Variants in PIP5K1B observed in about 807,000 individuals in gnomAD.
The protein encoded by PIP5K1B is phosphatidylinositol 4-phosphate 5-kinase type-1 beta.
A neutral mutation model predicts 67.0 loss-of-function variants in PIP5K1B; 42 were observed. The observed-to-expected ratio is 0.63, with a 90% confidence interval of 0.49 to 0.81. The LOEUF is 0.81. Ranked by LOEUF, PIP5K1B falls within the 30% of genes least tolerant of loss-of-function variation. The probability of loss-of-function intolerance (pLI) is 0.00; values close to 1 mark genes in which losing one functional copy is unlikely to be tolerated. For missense variants in PIP5K1B, 459 were observed against 646.3 expected, an observed-to-expected ratio of 0.71 and a Z score of 3.14; for synonymous variants, 214 against 231.4, an observed-to-expected ratio of 0.92 and a Z score of 0.68.
At chr9:68,795,347 T>A (rs1431049791) in intron 2 of PIP5K1B, among the ~76,000 whole-genome samples, 1 of 152,140 alleles carries the variant, frequency 6.6e-6, no homozygotes, top group Non-Finnish European at 1.5e-5. Flanking sequence ...CAAAAAGTAG[T>A]AAGGATTAGA....
At chr9:68,957,349 C>T (rs537702004) in intron 14 of PIP5K1B, among the ~76,000 whole-genome samples, 37 of 152,226 alleles carry the variant, frequency 2.4e-4, no homozygotes, top group African/African-American at 5.5e-4. Flanking sequence ...AGAAGTGGAT[C>T]GCATGACTCT....
intron 8 of PIP5K1B, among the ~76,000 whole-genome samples, chr9:68,912,869 T>C (rs1439695891): frequency 6.6e-6 from 1 of 152,176 alleles, no homozygotes; most frequent in Admixed American, 6.5e-5. Flanking sequence ...GAAGAGAGGA[T>C]GGCAATGCCT....
rs1452516551 is a variant in PIP5K1B, at chr9:68,828,593, G to GA, written c.69+5913dup. 2.0e-5 allele frequency among the ~76,000 whole-genome samples: 3 copies of GA among 152,298 alleles called. No individual in the cohort carries two copies. The East Asian group carries it at 5.8e-4, about 29-fold the overall frequency. ...TACCTGACCGTGACCACATTCCAAG[G>GA]AAAGATGCCTTTTATTGCTTTTTCA... On this transcript the variant is annotated intron_variant, in intron 4 of 15. Transcript: ENST00000265382.
At chr9:68,875,665 T>C (rs1823856594) in intron 5 of PIP5K1B, among the ~76,000 whole-genome samples, 1 of 152,182 alleles carries the variant, frequency 6.6e-6, no homozygotes, top group South Asian at 2.1e-4. Context: ...TTGTGTGGTA[T>C]CCATAAAAAG....
At chr9:68,954,294 C>T (rs1439261658) in intron 14 of PIP5K1B, among the ~76,000 whole-genome samples, 1 of 152,090 alleles carries the variant, frequency 6.6e-6, no homozygotes, top group Non-Finnish European at 1.5e-5. Flanking sequence ...AGGTTTATGT[C>T]CTTTTTTAAC....
rs1414505958 is a variant in PIP5K1B at position 68,818,498 on chromosome 9, C to G, written c.-48C>G. The G allele has an allele frequency of 6.6e-6, 1 of 152,524 alleles. No homozygotes were observed. The highest frequency in any genetic ancestry group is 1.5e-5 in the Non-Finnish European group (1 of 68,008). The allele number at this position is 152,524 out of a possible 1,614,324, so 9.4% of individuals were successfully genotyped here. ...GAAAACGGTCTCGACAATGAGTAGG[C>G]CACCCATCACTACTAACTACAGATG... On this transcript the variant is annotated 5_prime_UTR_variant, in exon 3 of 16. Coordinates refer to ENST00000265382, the MANE Select transcript of PIP5K1B (RefSeq NM_003558.4).
At chr9:68,754,175 C>CTTTTTTTTTTTTTTTTT (rs71353081) in intron 2 of PIP5K1B, among the ~76,000 whole-genome samples, 3,026 of 100,486 alleles carry the variant, frequency 0.03, 602 homozygotes, top group East Asian at 0.094. Context: ...TCCATGATTT[C>CTTTTTTTTTTTTTTTTT]TTTTTTTTTT....
At position 68,796,883 on chromosome 9, in the gene PIP5K1B, C is replaced by T. The variant is rs959001715; in HGVS notation, c.-85-21578C>T. 7.9e-5 allele frequency among the ~76,000 whole-genome samples: 12 copies of T among 152,112 alleles called. 1 individual carries two copies. The highest frequency in any genetic ancestry group is 2.4e-4 in the African/African-American group (10 of 41,408). On this transcript the variant is annotated intron_variant, in intron 2 of 15. Coordinates refer to ENST00000265382, the MANE Select transcript of PIP5K1B (RefSeq NM_003558.4). ...AGTTATCAAATATTCCCTCCAGTAGCCCAGTGAAACATCTTAGAAATTCTA... is the reference window on the plus strand; with the variant it reads ...AGTTATCAAATATTCCCTCCAGTAGTCCAGTGAAACATCTTAGAAATTCTA...
chr9:68,983,354 T>C (rs946536876), intron 14 of PIP5K1B, among the ~76,000 whole-genome samples: 1 of 152,116 alleles, frequency 6.6e-6, no homozygotes, highest in African/African-American at 2.4e-5. Context: ...AAGTGTCCTG[T>C]GGAGGATGTG....
intron 2 of PIP5K1B, among the ~76,000 whole-genome samples, chr9:68,748,134 G>A (rs1587381845): frequency 6.6e-6 from 1 of 152,138 alleles, no homozygotes; most frequent in Admixed American, 6.5e-5. Context: ...AAAAGGAATC[G>A]TACAATCTGT....
chr9:68,771,650 C>T (rs1458264495), intron 2 of PIP5K1B, among the ~76,000 whole-genome samples: 1 of 152,192 alleles, frequency 6.6e-6, no homozygotes, highest in Non-Finnish European at 1.5e-5. Flanking sequence ...TTAGAAGGCT[C>T]TGGCTGGGTG....
intron 14 of PIP5K1B, among the ~76,000 whole-genome samples, chr9:68,961,188 G>C (rs1051684640): frequency 6.7e-6 from 1 of 149,704 alleles, no homozygotes. Context: ...CCGCAGTCCG[G>C]CCTGGGCGAC....
chr9:68,918,185 G>A (rs1427788120), intron 9 of PIP5K1B, among the ~76,000 whole-genome samples: 1 of 151,512 alleles, frequency 6.6e-6, no homozygotes, highest in Non-Finnish European at 1.5e-5. Flanking sequence ...CACCTCCCAG[G>A]TTCAAGCGAT....
At chr9:68,736,190 G>T (rs901362002) in intron 1 of PIP5K1B, among the ~76,000 whole-genome samples, 1 of 152,186 alleles carries the variant, frequency 6.6e-6, no homozygotes, top group African/African-American at 2.4e-5. Context: ...TTGAGCAGAG[G>T]AATAGGGTCA....
At chr9:68,748,364 C>T (rs1829431171) in intron 2 of PIP5K1B, among the ~76,000 whole-genome samples, 1 of 152,142 alleles carries the variant, frequency 6.6e-6, no homozygotes, top group Non-Finnish European at 1.5e-5. Context: ...GGATTTTAGT[C>T]CATAATAAAG....
intron 8 of PIP5K1B, among the ~76,000 whole-genome samples, chr9:68,913,732 G>T (rs1825959700): frequency 1.3e-5 from 2 of 152,124 alleles, no homozygotes; most frequent in African/African-American, 4.8e-5. Flanking sequence ...CTGAAAGTAG[G>T]GGTCTTGGCC....
At position 68,723,475 on chromosome 9, in the gene PIP5K1B, C is replaced by T. The variant is rs540285717; in HGVS notation, c.-243+17713C>T. ...CCCACCAATAGTATACAAATATTGCCCTTTCTCTACATCCTCTCCAGCATT... is the reference window on the plus strand; with the variant it reads ...CCCACCAATAGTATACAAATATTGCTCTTTCTCTACATCCTCTCCAGCATT... On this transcript the variant is annotated intron_variant, in intron 1 of 15. Transcript: ENST00000265382. Among the ~76,000 whole-genome samples, 191 of 151,932 alleles carry T rather than the reference C, an allele frequency of 1.3e-3. 1 individual carries two copies. Among genetic ancestry groups the T allele is most frequent in the Admixed American group, 2.6e-3 (40 of 15,232 alleles).
At chr9:68,754,399 G>A (rs957181869) in intron 2 of PIP5K1B, among the ~76,000 whole-genome samples, 2 of 150,876 alleles carry the variant, frequency 1.3e-5, no homozygotes, top group South Asian at 2.1e-4. Flanking sequence ...TCAATCTCCC[G>A]ACCTCGTGAT....
chr9:68,756,555 GAGAATT>G (rs1829933796), intron 2 of PIP5K1B, among the ~76,000 whole-genome samples: 1 of 152,178 alleles, frequency 6.6e-6, no homozygotes, highest in South Asian at 2.1e-4. Flanking sequence ...TGAAAATAAA[GAGAATT>G]AGAAAAGAAT....
Sources: gnomAD v4.1 joint callset for allele counts (sites outside exome capture counted in the v4.1 genomes callset) on GRCh38, gnomAD v4.1.1 for gene constraint, MANE v1.5 for transcripts, NCBI Gene and HGNC (gene_info 2026-07-23, HGNC 2026-07-21) for gene names.